The following BEND3 variants were observed in gnomAD, a reference collection of about 807,000 sequenced individuals.
BEND3 encodes BEN domain-containing protein 3.
Under a neutral mutation model 60.1 loss-of-function variants are expected in BEND3, and 13 were observed. The ratio of observed to expected loss-of-function variants is 0.22; its 90% CI spans 0.14 to 0.34. The LOEUF (loss-of-function observed/expected upper bound fraction) is 0.34. Ranked by LOEUF, BEND3 falls within the 10% of genes least tolerant of loss-of-function variation. The probability of loss-of-function intolerance (pLI) is 1.00; values close to 1 mark genes in which losing one functional copy is unlikely to be tolerated. For synonymous variants in BEND3, 497 were observed against 491.5 expected, an observed-to-expected ratio of 1.01 and a Z score of -0.15; for missense variants, 896 against 1,138.1, an observed-to-expected ratio of 0.79 and a Z score of 3.06.
chr6:107,089,526 C>T (rs1411205905), intron 3 of BEND3, among the ~76,000 whole-genome samples: 3 of 148,990 alleles, frequency 2.0e-5, no homozygotes, highest in African/African-American at 7.4e-5. Flanking sequence ...GCGGAGCTTG[C>T]AGTGAGCCAA....
At chr6:107,091,540 CA>C (rs1775474967) in intron 3 of BEND3, among the ~76,000 whole-genome samples, 2 of 152,112 alleles carry the variant, frequency 1.3e-5, no homozygotes, top group African/African-American at 4.8e-5. Context: ...TCTATGTCCA[CA>C]AATTTGATAA....
intron 3 of BEND3, among the ~76,000 whole-genome samples, chr6:107,088,852 A>G (rs986260851): frequency 6.6e-6 from 1 of 152,244 alleles, no homozygotes; most frequent in Non-Finnish European, 1.5e-5. Flanking sequence ...AATTAATTTA[A>G]CCAAAGAAGT....
chr6:107,080,808 T>C lies in BEND3; in HGVS notation c.241-9858A>G, dbSNP rs145157128. On this transcript the variant is annotated intron_variant, in intron 3 of 3. Coordinates refer to ENST00000369042, the MANE Select transcript of BEND3 (RefSeq NM_001367314.1). ...CTGTGGCAGAAAAATCACTTGCACCTGGGAGGCAGAGGTTGCAGTGAGCCG... is the reference window on the plus strand; with the variant it reads ...CTGTGGCAGAAAAATCACTTGCACCCGGGAGGCAGAGGTTGCAGTGAGCCG... Among the ~76,000 whole-genome samples, 116 of 151,884 alleles carry C rather than the reference T, an allele frequency of 7.6e-4. 3 individuals carry two copies. The East Asian group carries it at 0.019, about 25-fold the overall frequency.
chr6:107,099,293 T>C lies in BEND3; in HGVS notation c.-8A>G, dbSNP rs782200951. The stretch of plus-strand genomic sequence containing the variant: ...GAATTCAGTTGAGTTCATCTTCTAT[T>C]CCGCTAAATAAAAAGACAAAGACAA... On this transcript the variant is annotated 5_prime_UTR_variant, in exon 2 of 4. Transcript: ENST00000369042. The C allele has an allele frequency of 1.9e-6, 3 of 1,607,864 alleles. No homozygotes were observed. The highest frequency in any genetic ancestry group is 2.6e-6 in the Non-Finnish European group (3 of 1,175,816).
Position 107,070,894 on chromosome 6 carries a change from A to G in BEND3, c.297T>C (p.Gly99=). The change falls in exon 4 of 4, where the codon GGT becomes GGC. Residue 99 remains glycine, a synonymous_variant. Coordinates refer to ENST00000369042, the MANE Select transcript of BEND3 (RefSeq NM_001367314.1). The surrounding 1 kb of genome is among the most constrained non-coding windows in gnomAD (Gnocchi z 6.9). ...GGCTCCTGCCCCTGCCGGCCTGCTC[A>G]CCATTGCCTTGGCAGGGCGAGCTGT... is the stretch of plus-strand genomic sequence containing the variant. The part of the protein sequence containing the change: ...RENSSPCQGN[G]EQAGRGRSLG... 6.2e-7 allele frequency: 1 copy of G among 1,613,794 alleles called. No individual in the cohort carries two copies. Among genetic ancestry groups the G allele is most frequent in the Non-Finnish European group, 8.5e-7 (1 of 1,179,970 alleles).
At chr6:107,094,484 G>C (rs1554235674) in intron 3 of BEND3, among the ~76,000 whole-genome samples, 1 of 151,974 alleles carries the variant, frequency 6.6e-6, no homozygotes, top group Admixed American at 6.6e-5. Flanking sequence ...AGCTGGGCGT[G>C]GTGGTGCGTG....
intron 1 of BEND3, among the ~76,000 whole-genome samples, chr6:107,108,481 T>A (rs1317138940): frequency 1.3e-5 from 2 of 152,134 alleles, no homozygotes; most frequent in Non-Finnish European, 2.9e-5. Flanking sequence ...CGGTGACTAA[T>A]TTTCCTAGGA....
At chr6:107,114,915 G>A (rs1161356333) in intron 1 of BEND3, among the ~76,000 whole-genome samples, 175 bp downstream of exon 1, 8 of 149,066 alleles carry the variant, frequency 5.4e-5, no homozygotes, top group Admixed American at 5.3e-4. Context: ...CTCGGCCCGC[G>A]CGGGGGTGGG....
At chr6:107,073,369 T>C (rs1434849581) in intron 3 of BEND3, among the ~76,000 whole-genome samples, 1 of 140,806 alleles carries the variant, frequency 7.1e-6, no homozygotes, top group Non-Finnish European at 1.5e-5. Flanking sequence ...CATACCAGAG[T>C]GGAGGCAGCC....
chr6:107,081,789 A>AT (rs1414149625), intron 3 of BEND3, among the ~76,000 whole-genome samples: 4 of 152,026 alleles, frequency 2.6e-5, no homozygotes, highest in African/African-American at 4.8e-5. Flanking sequence ...AAAAAAAAAA[A>AT]AAATAAATAA....
chr6:107,096,441 G>A (rs1554235944), intron 3 of BEND3, among the ~76,000 whole-genome samples: 1 of 152,054 alleles, frequency 6.6e-6, no homozygotes, highest in Non-Finnish European at 1.5e-5. Context: ...GTGAAACCCT[G>A]TCTCTACTAA....
chr6:107,087,341 A>C (rs1248488441), intron 3 of BEND3, among the ~76,000 whole-genome samples: 2 of 151,978 alleles, frequency 1.3e-5, no homozygotes, highest in Admixed American at 1.3e-4. Flanking sequence ...AAAAGAAAAA[A>C]CGACAAGGCG....
chr6:107,066,933 A>G lies in BEND3; in HGVS notation c.*1771T>C, dbSNP rs1554230927. The G allele has an allele frequency of 6.6e-6, 1 of 152,192 alleles. No homozygotes were observed. Among genetic ancestry groups the G allele is most frequent in the East Asian group, 1.9e-4 (1 of 5,196 alleles). 9.4% of individuals were successfully genotyped at this position (152,192 alleles called of 1,614,324 possible). On this transcript the variant is annotated 3_prime_UTR_variant, in exon 4 of 4. Transcript: ENST00000369042. ...CCCCCTTCATCTCACTTCAGCTTTT[A>G]GTAAGCAGTGCGTGTGTGCATGAGT...
At chr6:107,087,504 C>T (rs1384097185) in intron 3 of BEND3, among the ~76,000 whole-genome samples, 5 of 152,106 alleles carry the variant, frequency 3.3e-5, no homozygotes, top group African/African-American at 7.2e-5. Flanking sequence ...TTTAGGAGGC[C>T]GAGGCCGGCG....
At chr6:107,080,489 C>T (rs1223963195) in intron 3 of BEND3, among the ~76,000 whole-genome samples, 4 of 151,886 alleles carry the variant, frequency 2.6e-5, no homozygotes, top group African/African-American at 7.3e-5. Context: ...GAAGATTCAG[C>T]GGCAGAGGAT....
At chr6:107,092,676 A>G (rs1626654) in intron 3 of BEND3, among the ~76,000 whole-genome samples, 137,170 of 151,876 alleles carry the variant, frequency 0.9, 62,019 homozygotes, top group East Asian at 0.95. Flanking sequence ...CGCGAAGGAA[A>G]AAATAAAACT....
Position 107,070,387 on chromosome 6 carries a change from G to A in BEND3, c.804C>T (p.Cys268=). Residue 268 remains cysteine, a synonymous_variant, in exon 4 of 4, where the codon TGC becomes TGT. Transcript: ENST00000369042. The surrounding 1 kb of genome is among the most constrained non-coding windows in gnomAD (Gnocchi z 6.9). ...CGGGGAAGAGCTGCACCAGCAAGCG[G>A]CAGGCCAGGTCCCCCCCTGACAGGC... ...DQSLSGGDLA[C]RLLVQLFPEL... The A allele has an allele frequency of 6.2e-7, 1 of 1,613,804 alleles. No individual in the cohort carries two copies. The highest frequency in any genetic ancestry group is 8.5e-7 in the Non-Finnish European group (1 of 1,180,036).
At chr6:107,096,766 C>CCTAAAAT (rs1554236000) in intron 3 of BEND3, among the ~76,000 whole-genome samples, 1 of 152,104 alleles carries the variant, frequency 6.6e-6, no homozygotes. Flanking sequence ...ATAAAAATGT[C>CCTAAAAT]CTAAAATAGC....
At chr6:107,086,690 A>G (rs138848987) in intron 3 of BEND3, among the ~76,000 whole-genome samples, 5 of 152,202 alleles carry the variant, frequency 3.3e-5, no homozygotes, top group Admixed American at 1.3e-4. Flanking sequence ...TTGAAGGACT[A>G]TTCACAGGAG....
Sources: gnomAD v4.1 joint callset for allele counts (sites outside exome capture counted in the v4.1 genomes callset) on GRCh38, gnomAD v4.1.1 for gene constraint, Gnocchi (gnomAD v3.1) non-coding constraint, MANE v1.5 for transcripts, NCBI Gene and HGNC (gene_info 2026-07-23, HGNC 2026-07-21) for gene names.